Variants in CPA6 observed in about 807,000 individuals in gnomAD.
CPA6 encodes carboxypeptidase A6, also known as carboxypeptidase B.
Under a neutral mutation model 63.3 loss-of-function variants are expected in CPA6, and 58 were observed. The ratio of observed to expected loss-of-function variants is 0.92; its 90% CI spans 0.74 to 1.14. The LOEUF (loss-of-function observed/expected upper bound fraction) is 1.14, where lower values mean the gene tolerates loss of function less well. Ranked by LOEUF, CPA6 falls within the 50% of genes most tolerant of loss-of-function variation. The pLI, the probability that CPA6 is intolerant of heterozygous loss-of-function variation, is 0.00. For missense variants in CPA6, 565 were observed against 526.6 expected (o/e 1.07, Z -0.71); for synonymous variants, 185 against 179.0 (o/e 1.03, Z -0.27).
chr8:67,628,153 C>T (rs1215310719), intron 1 of CPA6, among the ~76,000 whole-genome samples: 1 of 151,748 alleles, frequency 6.6e-6, no homozygotes, highest in African/African-American at 2.4e-5. Flanking sequence ...GCGGAGATTG[C>T]AGTGAGCCGA....
intron 2 of CPA6, among the ~76,000 whole-genome samples, chr8:67,570,834 G>A (rs1443708522): frequency 6.6e-6 from 1 of 152,088 alleles, no homozygotes; most frequent in Non-Finnish European, 1.5e-5. Flanking sequence ...GGTATTTGTA[G>A]GTTCTTACCT....
chr8:67,502,639 C>T (rs1011568566), intron 6 of CPA6, among the ~76,000 whole-genome samples: 3 of 152,206 alleles, frequency 2.0e-5, no homozygotes, highest in Non-Finnish European at 4.4e-5. Context: ...CCTCTCAGCA[C>T]TGCTTTAGCT....
chr8:67,475,805 CTTTCTTTCTTTCCTTTCTTTT>C (rs1563967437), intron 8 of CPA6, among the ~76,000 whole-genome samples: 2,995 of 58,924 alleles, frequency 0.051, 159 homozygotes, highest in African/African-American at 0.086. Context: ...TTCTTTCTTT[CTTTCTTTCTTTCCTTTCTTTT>C]CTTTCTTTCT....
chr8:67,654,518 A>T (rs1408975017), intron 1 of CPA6, among the ~76,000 whole-genome samples: 3 of 152,034 alleles, frequency 2.0e-5, no homozygotes, highest in African/African-American at 7.2e-5. Flanking sequence ...TAGATTTTCT[A>T]GTTTATTTGC....
intron 2 of CPA6, among the ~76,000 whole-genome samples, chr8:67,541,533 A>G (rs186411737): frequency 7.2e-5 from 11 of 152,108 alleles, no homozygotes; most frequent in African/African-American, 1.7e-4. Context: ...TGCTTGCTCA[A>G]TCGATCACGA....
chr8:67,625,039 T>C (rs373638494), intron 1 of CPA6, among the ~76,000 whole-genome samples: 1 of 151,852 alleles, frequency 6.6e-6, no homozygotes, highest in South Asian at 2.1e-4. Flanking sequence ...AAACTACAGG[T>C]GTGTATAGCA....
Position 67,634,859 on chromosome 8 carries a change from G to A in CPA6, c.117-10608C>T, listed in dbSNP as rs533822294. ...ATTTATAGTCTCTCAATACTTAGTAGCTAGTGTCATTACTTTTACAGGAAA... is the reference window on the plus strand; with the variant it reads ...ATTTATAGTCTCTCAATACTTAGTAACTAGTGTCATTACTTTTACAGGAAA... On this transcript the variant is annotated intron_variant, in intron 1 of 10. Coordinates refer to ENST00000297770, the MANE Select transcript of CPA6 (RefSeq NM_020361.5). 1.5e-4 allele frequency among the ~76,000 whole-genome samples: 23 copies of A among 151,390 alleles called. 1 individual carries two copies. Among genetic ancestry groups the A allele is most frequent in the Admixed American group, 9.8e-4 (15 of 15,240 alleles).
At chr8:67,684,314 T>C (rs563779611) in intron 1 of CPA6, among the ~76,000 whole-genome samples, 2 of 152,268 alleles carry the variant, frequency 1.3e-5, no homozygotes, top group South Asian at 2.1e-4. Context: ...GTCATGTGTC[T>C]TGTAGGAGCT....
chr8:67,539,190 C>T (rs1174363720), intron 2 of CPA6, among the ~76,000 whole-genome samples: 1 of 152,058 alleles, frequency 6.6e-6, no homozygotes, highest in African/African-American at 2.4e-5. Context: ...TAAGGTAGGC[C>T]TGGTGGTGAC....
chr8:67,475,799 TTC>T (rs1811172532), intron 8 of CPA6, among the ~76,000 whole-genome samples: 2 of 59,384 alleles, frequency 3.4e-5, no homozygotes, highest in African/African-American at 2.4e-4. Flanking sequence ...CTTTCTTTCT[TTC>T]TTTCTTTCTT....
intron 2 of CPA6, among the ~76,000 whole-genome samples, chr8:67,558,736 G>A (rs1813127774): frequency 6.6e-6 from 1 of 152,166 alleles, no homozygotes; most frequent in Non-Finnish European, 1.5e-5. Flanking sequence ...AAAGGCTGCT[G>A]CAAACCATTC....
intron 9 of CPA6, among the ~76,000 whole-genome samples, chr8:67,431,062 C>T (rs1019142407): frequency 6.6e-6 from 1 of 152,054 alleles, no homozygotes; most frequent in African/African-American, 2.4e-5. Context: ...TGAGGTCCCA[C>T]TATATTACCT....
rs1319679131 is a variant in CPA6, at chr8:67,484,723, T to C, written c.703A>G (p.Met235Val). The C allele has an allele frequency of 1.2e-6, 2 of 1,610,832 alleles. No homozygotes were observed. The highest frequency in any genetic ancestry group is 2.7e-5 in the African/African-American group (2 of 74,888). Residue 235 changes from methionine to valine, a missense_variant, in exon 7 of 11, where the codon ATG becomes GTG. By Grantham distance (21) the Met-to-Val change is conservative. Transcript: ENST00000297770. ...TATCCATCGACGTTAAACACAGGCA[T>C]GATATAGAAATATAGATGATTCAAC... ...KMLNHLYFYI[M>V]PVFNVDGYHF... is the part of the protein sequence containing the mutation.
chr8:67,482,967 CACATAGA>C (rs1244556166), intron 8 of CPA6, among the ~76,000 whole-genome samples: 9 of 152,288 alleles, frequency 5.9e-5, no homozygotes, highest in African/African-American at 2.2e-4. Context: ...ATTGGCATCT[CACATAGA>C]ACCTAACCCT....
intron 2 of CPA6, among the ~76,000 whole-genome samples, chr8:67,555,212 G>T (rs940928153): frequency 6.6e-6 from 1 of 152,124 alleles, no homozygotes; most frequent in Non-Finnish European, 1.5e-5. Context: ...ACCCTAGATA[G>T]CTTCAATATG....
chr8:67,715,276 A>G (rs912252042), intron 1 of CPA6, among the ~76,000 whole-genome samples: 12 of 152,134 alleles, frequency 7.9e-5, no homozygotes, highest in African/African-American at 2.9e-4. Flanking sequence ...TGGGCCTCCT[A>G]TATTTCTGAC....
intron 2 of CPA6, among the ~76,000 whole-genome samples, chr8:67,527,840 C>T (rs1392098997): frequency 2.0e-5 from 3 of 152,092 alleles, no homozygotes; most frequent in African/African-American, 4.8e-5. Flanking sequence ...GTTTTTTCTT[C>T]CATTTTCCTT....
chr8:67,614,492 T>C (rs1033466569), intron 2 of CPA6, among the ~76,000 whole-genome samples: 36 of 152,180 alleles, frequency 2.4e-4, no homozygotes, highest in African/African-American at 8.4e-4. Flanking sequence ...ATGCCACAAG[T>C]AGCCCCCTTG....
At chr8:67,630,194 A>T (rs6472324) in intron 1 of CPA6, among the ~76,000 whole-genome samples, 54,738 of 151,502 alleles carry the variant, frequency 0.36, 11,141 homozygotes, top group African/African-American at 0.56. Context: ...TTCAGGGTCA[A>T]GAGTGGCTGG....
Sources: gnomAD v4.1 joint callset for allele counts (sites outside exome capture counted in the v4.1 genomes callset) on GRCh38, gnomAD v4.1.1 for gene constraint, MANE v1.5 for transcripts, NCBI Gene and HGNC (gene_info 2026-07-23, HGNC 2026-07-21) for gene names.